MYO18B: variants seen among roughly 807,000 people sequenced by gnomAD.
MYO18B encodes myosin XVIIIB, also known as unconventional myosin-XVIIIb.
A neutral mutation model predicts 273.0 loss-of-function variants in MYO18B; 204 were observed. The ratio of observed to expected loss-of-function variants is 0.75; its 90% CI spans 0.67 to 0.84. The LOEUF (loss-of-function observed/expected upper bound fraction) is 0.84, where lower values mean the gene tolerates loss of function less well. Ranked by LOEUF, MYO18B falls within the 40% of genes least tolerant of loss-of-function variation. The pLI is 0.00. For synonymous variants in MYO18B, 1,330 were observed against 1,305.7 expected, an observed-to-expected ratio of 1.02 and a Z score of -0.40; for missense variants, 3,212 against 3,287.6, an observed-to-expected ratio of 0.98 and a Z score of 0.56.
At chr22:25,788,839 T>A (rs2087511921) in intron 11 of MYO18B, among the ~76,000 whole-genome samples, 1 of 152,214 alleles carries the variant, frequency 6.6e-6, no homozygotes, top group African/African-American at 2.4e-5. Context: ...GACGTAGTGA[T>A]GTTCGAATCC....
At chr22:25,829,522 T>TAAAAA (rs55957728) in intron 15 of MYO18B, among the ~76,000 whole-genome samples, 2,534 of 139,346 alleles carry the variant, frequency 0.018, 35 homozygotes, top group African/African-American at 0.032. Flanking sequence ...TCTTTTTTCA[T>TAAAAA]AAAAAAAAAA....
At chr22:25,884,505 G>A (rs2091439493) in intron 25 of MYO18B, among the ~76,000 whole-genome samples, 1 of 152,218 alleles carries the variant, frequency 6.6e-6, no homozygotes, top group Non-Finnish European at 1.5e-5. Flanking sequence ...CTGGTGGACA[G>A]TGGAAGAGAC....
intron 7 of MYO18B, among the ~76,000 whole-genome samples, chr22:25,774,559 C>T (rs999524458): frequency 6.6e-6 from 1 of 152,256 alleles, no homozygotes; most frequent in Non-Finnish European, 1.5e-5. Context: ...CCCCTACTTC[C>T]CTTCCTAACC....
At position 25,772,631 on chromosome 22, in the gene MYO18B, A is replaced by G. The variant is rs531377434; in HGVS notation, c.1869+121A>G. The G allele has an allele frequency of 3.0e-5, 30 of 1,006,046 alleles. 1 individual carries two copies. The highest frequency in any genetic ancestry group is 2.2e-4 in the South Asian group (13 of 59,138). The allele number at this position is 1,006,046 out of a possible 1,614,324, so 62.3% of individuals were successfully genotyped here. Reference sequence around the variant, plus strand: ...GCCCCCAGTCGACCTGTCTGCAAGCAGCATCCTTCTCGCGGCATTGTGGCA... The same window carrying G: ...GCCCCCAGTCGACCTGTCTGCAAGCGGCATCCTTCTCGCGGCATTGTGGCA... On this transcript the variant is annotated intron_variant, in intron 7 of 43. Transcript: ENST00000335473.
chr22:25,921,815 AGT>A (rs71191088), intron 34 of MYO18B, among the ~76,000 whole-genome samples: 32,624 of 129,770 alleles, frequency 0.25, 3,884 homozygotes, highest in Admixed American at 0.28. Context: ...AAATAGCAAT[AGT>A]GTGTGTGTGT....
chr22:25,982,871 CTT>C (rs1489748532), intron 39 of MYO18B, among the ~76,000 whole-genome samples: 1 of 152,180 alleles, frequency 6.6e-6, no homozygotes, highest in African/African-American at 2.4e-5. Context: ...TTTGGGAGGA[CTT>C]TATACACGCT....
chr22:25,877,524 G>A (rs539609297), intron 24 of MYO18B, among the ~76,000 whole-genome samples: 43 of 152,260 alleles, frequency 2.8e-4, no homozygotes, highest in African/African-American at 1.0e-3. Flanking sequence ...CTGGAGTGCA[G>A]TGGTGCTATC....
At chr22:25,937,563 T>G (rs1259660970) in intron 34 of MYO18B, among the ~76,000 whole-genome samples, 1 of 151,252 alleles carries the variant, frequency 6.6e-6, no homozygotes, top group African/African-American at 2.4e-5. Context: ...GCACAGACCA[T>G]TGGTGGACCT....
At chr22:25,978,044 T>C (rs2093111434) in intron 39 of MYO18B, among the ~76,000 whole-genome samples, 1 of 152,238 alleles carries the variant, frequency 6.6e-6, no homozygotes, top group African/African-American at 2.4e-5. Context: ...AGTATTTATG[T>C]GGTGACTTCT....
At chr22:25,951,140 C>T (rs1278473036) in intron 37 of MYO18B, among the ~76,000 whole-genome samples, 1 of 152,182 alleles carries the variant, frequency 6.6e-6, no homozygotes, top group Non-Finnish European at 1.5e-5. Flanking sequence ...TCTGCCTTCC[C>T]CAGCCCACTG....
chr22:25,866,878 G>A (rs2090905156), intron 21 of MYO18B, among the ~76,000 whole-genome samples: 1 of 151,512 alleles, frequency 6.6e-6, no homozygotes, highest in Non-Finnish European at 1.5e-5. Context: ...GGCAGGTGAG[G>A]TTATTGACCA....
At chr22:26,010,512 C>G (rs922265697) in intron 42 of MYO18B, among the ~76,000 whole-genome samples, 1 of 152,184 alleles carries the variant, frequency 6.6e-6, no homozygotes, top group Non-Finnish European at 1.5e-5. Context: ...AAGTTACAGT[C>G]TCCGAGTCTC....
intron 37 of MYO18B, 67 bp downstream of exon 37, chr22:25,950,517 GA>G: frequency 4.1e-6 from 1 of 245,060 alleles, no homozygotes; most frequent in East Asian, 3.9e-5. Flanking sequence ...GAACTAATAG[GA>G]TGTGTGTGTG....
chr22:25,963,719 T>C (rs1433141677), intron 39 of MYO18B, among the ~76,000 whole-genome samples: 1 of 151,694 alleles, frequency 6.6e-6, no homozygotes, highest in African/African-American at 2.4e-5. Flanking sequence ...TAAGTTAACA[T>C]TGAAGCAACT....
Position 25,898,573 on chromosome 22 carries a change from T to C in MYO18B, c.4823+112T>C. On this transcript the variant is annotated intron_variant, in intron 29 of 43. Transcript: ENST00000335473. ...CTCCCTCACTTCAACTCCCTTGTTTTGCTCTAATCTTCCTCCCTGTCCCGT... is the reference window on the plus strand; with the variant it reads ...CTCCCTCACTTCAACTCCCTTGTTTCGCTCTAATCTTCCTCCCTGTCCCGT... 8 of 1,150,970 alleles carry C rather than the reference T, an allele frequency of 7.0e-6. No homozygotes were observed. In the South Asian group the frequency reaches 1.0e-4, roughly 15 times the overall value. 71.3% of individuals were successfully genotyped at this position (1,150,970 alleles called of 1,614,324 possible).
intron 39 of MYO18B, among the ~76,000 whole-genome samples, chr22:25,990,299 C>T (rs940454032): frequency 6.6e-6 from 1 of 152,152 alleles, no homozygotes; most frequent in Non-Finnish European, 1.5e-5. Flanking sequence ...GACTGGGAGC[C>T]ACCAAGCCCA....
In MYO18B at chr22:25,941,637, A is replaced by C. The variant is rs148132630; in HGVS notation, c.5518-4500A>C. Among the ~76,000 whole-genome samples, 992 of 152,370 alleles carry C rather than the reference A, an allele frequency of 6.5e-3. 6 individuals are homozygous for C. The highest frequency in any genetic ancestry group is 0.023 in the African/African-American group (958 of 41,592). On this transcript the variant is annotated intron_variant, in intron 34 of 43. Coordinates refer to ENST00000335473, the MANE Select transcript of MYO18B (RefSeq NM_032608.7). ...GGTCATCCATAATAAAAAATCAGCCAGAGGTGGCCCCATATTTCTTTCTGC... is the reference window on the plus strand; with the variant it reads ...GGTCATCCATAATAAAAAATCAGCCCGAGGTGGCCCCATATTTCTTTCTGC...
chr22:25,931,893 TTTG>T (rs1326979288), intron 34 of MYO18B, among the ~76,000 whole-genome samples: 2 of 151,484 alleles, frequency 1.3e-5, no homozygotes, highest in East Asian at 1.9e-4. Flanking sequence ...CCAGCTAATT[TTTG>T]TTGTTGTTTG....
chr22:25,826,977 G>A lies in MYO18B; in HGVS notation c.2786+478G>A, dbSNP rs944875817. On this transcript the variant is annotated intron_variant, in intron 14 of 43. Transcript: ENST00000335473. Reference sequence around the variant, plus strand: ...TCGGGAGGCTGAGGCAGGGAGAATTGCTTGAACCTGGGAAGCAGAGGTTTC... The same window carrying A: ...TCGGGAGGCTGAGGCAGGGAGAATTACTTGAACCTGGGAAGCAGAGGTTTC... Among the ~76,000 whole-genome samples the A allele has an allele frequency of 5.3e-5, 8 of 152,276 alleles. No homozygotes were observed. The East Asian group carries it at 1.5e-3, about 29-fold the overall frequency.
Sources: allele counts gnomAD v4.1 joint callset (sites outside exome capture counted in the v4.1 genomes callset), GRCh38; gene constraint gnomAD v4.1.1; transcripts MANE v1.5; gene names NCBI Gene and HGNC (gene_info 2026-07-23, HGNC 2026-07-21).